The following ST6GAL1 variants were observed in gnomAD, a reference collection of about 807,000 sequenced individuals.
ST6GAL1 encodes ST6 beta-galactoside alpha-2,6-sialyltransferase 1.
ST6GAL1 carries 20 observed loss-of-function variants against 38.0 expected under a neutral mutation model. The observed-to-expected ratio is 0.53, with a 90% CI of 0.37 to 0.77. ST6GAL1 has a LOEUF of 0.77. Ranked by LOEUF, ST6GAL1 falls within the 30% of genes least tolerant of loss-of-function variation. The pLI, the probability that ST6GAL1 is intolerant of heterozygous loss-of-function variation, is 0.00. For synonymous variants in ST6GAL1, 196 were observed against 188.2 expected, an observed-to-expected ratio of 1.04 and a Z score of -0.34; for missense variants, 432 against 496.4, an observed-to-expected ratio of 0.87 and a Z score of 1.23.
At chr3:187,021,371 G>A (rs2108564809) in intron 2 of ST6GAL1, among the ~76,000 whole-genome samples, 1 of 152,330 alleles carries the variant, frequency 6.6e-6, no homozygotes. Context: ...CTAAGAAACA[G>A]TCTCTCTCCT....
chr3:186,965,432 C>T (rs1025662465), intron 2 of ST6GAL1, among the ~76,000 whole-genome samples: 4 of 152,194 alleles, frequency 2.6e-5, no homozygotes, highest in African/African-American at 9.7e-5. Flanking sequence ...CTGTCCCCCT[C>T]CCTCTGCTTC....
intron 5 of ST6GAL1, among the ~76,000 whole-genome samples, chr3:187,063,570 T>G (rs565412835): frequency 6.6e-6 from 1 of 152,188 alleles, no homozygotes; most frequent in South Asian, 2.1e-4. Flanking sequence ...GATCTGGAGG[T>G]GAGCAGGCAG....
chr3:186,946,374 TA>T (rs1178995454), intron 1 of ST6GAL1, among the ~76,000 whole-genome samples: 1 of 150,592 alleles, frequency 6.6e-6, no homozygotes, highest in Non-Finnish European at 1.5e-5. Context: ...ATTTTACTTT[TA>T]AAAAACTTAT....
At chr3:186,973,948 A>AAG (rs1202641772) in intron 2 of ST6GAL1, among the ~76,000 whole-genome samples, 2 of 152,192 alleles carry the variant, frequency 1.3e-5, no homozygotes, top group African/African-American at 2.4e-5. Context: ...ATGTGAGCTA[A>AAG]AGAGAGAGAG....
At chr3:186,995,247 G>A (rs1003188180) in intron 2 of ST6GAL1, among the ~76,000 whole-genome samples, 6 of 151,860 alleles carry the variant, frequency 4.0e-5, no homozygotes, top group South Asian at 2.1e-4. Flanking sequence ...GGTGGCTCAC[G>A]CCTGTAATCC....
chr3:186,988,599 G>C (rs1324699786), intron 2 of ST6GAL1, among the ~76,000 whole-genome samples: 3 of 149,160 alleles, frequency 2.0e-5, no homozygotes, highest in African/African-American at 7.4e-5. Context: ...TGGTGGTGGG[G>C]TTAAGGATTA....
At chr3:187,061,049 A>T (rs1270079881) in intron 5 of ST6GAL1, among the ~76,000 whole-genome samples, 3 of 152,248 alleles carry the variant, frequency 2.0e-5, no homozygotes, top group Admixed American at 2.0e-4. Flanking sequence ...CCCAAAAAAT[A>T]TTCATTTTTT....
At chr3:186,945,922 C>T (rs1442217963) in intron 1 of ST6GAL1, among the ~76,000 whole-genome samples, 7 of 135,422 alleles carry the variant, frequency 5.2e-5, no homozygotes, top group Admixed American at 1.7e-4. Flanking sequence ...ACCTGGGAGG[C>T]GGAGCTTGCA....
rs1452328886 is a variant in ST6GAL1 at position 187,078,012 on chromosome 3, G to A, written c.*2209G>A. ...AGGACAAGCCCCTTACCCCTCTCTG[G>A]GCCCATGAATTCCTGGCTTGGTTTA... On this transcript the variant is annotated 3_prime_UTR_variant, in exon 8 of 8. Transcript: ENST00000169298. 6.6e-6 allele frequency: 1 copy of A among 152,352 alleles called. No individual in the cohort carries two copies. The highest frequency in any genetic ancestry group is 1.5e-5 in the Non-Finnish European group (1 of 68,046). The allele number at this position is 152,352 out of a possible 1,614,324, so 9.4% of individuals were successfully genotyped here.
At position 186,972,036 on chromosome 3, in the gene ST6GAL1, A is replaced by G. The variant is rs528903183; in HGVS notation, c.-183+8110A>G. ...AGTGAATGATGATATTGCACTTCTT[A>G]TGGACCAGGCTCTAAGTGTTTTATG... On this transcript the variant is annotated intron_variant, in intron 2 of 7. Coordinates refer to ENST00000169298, the MANE Select transcript of ST6GAL1 (RefSeq NM_173216.2). 5.9e-5 allele frequency among the ~76,000 whole-genome samples: 9 copies of G among 152,338 alleles called. No homozygotes were observed. The South Asian group carries it at 1.9e-3, about 32-fold the overall frequency.
Position 187,058,935 on chromosome 3 carries a change from C to CT in ST6GAL1, c.705+7590dup, listed in dbSNP as rs1718815389. Among the ~76,000 whole-genome samples, 10 of 152,232 alleles carry CT rather than the reference C, an allele frequency of 6.6e-5. No individual in the cohort carries two copies. In the South Asian group the frequency reaches 2.1e-3, roughly 32 times the overall value. On this transcript the variant is annotated intron_variant, in intron 5 of 7. Coordinates refer to ENST00000169298, the MANE Select transcript of ST6GAL1 (RefSeq NM_173216.2). The stretch of plus-strand genomic sequence containing the variant: ...GTATTACAGGCGTGAGCCATCGTGC[C>CT]TGGCCTACTTTTATTGTTACTAGAA...
chr3:187,023,773 T>A (rs1289746849), intron 2 of ST6GAL1, among the ~76,000 whole-genome samples: 5 of 151,678 alleles, frequency 3.3e-5, no homozygotes, highest in Non-Finnish European at 7.4e-5. Flanking sequence ...TTAGGAGATA[T>A]ACCTAATGCT....
intron 5 of ST6GAL1, among the ~76,000 whole-genome samples, chr3:187,057,474 G>T (rs1718747521): frequency 6.6e-6 from 1 of 151,970 alleles, no homozygotes; most frequent in South Asian, 2.1e-4. Context: ...GATGGTTTTG[G>T]TGTGGATGTC....
At chr3:187,044,700 C>T (rs995586676) in intron 4 of ST6GAL1, among the ~76,000 whole-genome samples, 8 of 152,116 alleles carry the variant, frequency 5.3e-5, no homozygotes, top group African/African-American at 1.9e-4. Context: ...TATTGCGTGC[C>T]TGGCTGAAAT....
Position 187,042,980 on chromosome 3 carries a change from T to G in ST6GAL1, c.277T>G (p.Phe93Val), listed in dbSNP as rs1444990041. Residue 93 changes from phenylalanine (F) to valine (V), a missense_variant, in exon 4 of 8, where the codon TTC (phenylalanine) becomes GTC (valine). Phe to Val is a conservative substitution (Grantham distance 50, BLOSUM62 -1). Transcript: ENST00000169298. ...GLAKAKPEAS[F>V]QVWNKDSSSK... ...AGCCAAGGCCAAACCAGAGGCCTCCTTCCAGGTGTGGAACAAGGACAGCTC... is the reference window on the plus strand; with the variant it reads ...AGCCAAGGCCAAACCAGAGGCCTCCGTCCAGGTGTGGAACAAGGACAGCTC... The G allele has an allele frequency of 2.5e-6, 4 of 1,614,146 alleles. No homozygotes were observed. Among genetic ancestry groups the G allele is most frequent in the Non-Finnish European group, 3.4e-6 (4 of 1,180,020 alleles).
chr3:186,990,137 G>A lies in ST6GAL1; in HGVS notation c.-183+26211G>A, dbSNP rs541104496. ...CAACCTGTGCTTCCCAGGTTCAAGC[G>A]ATTCTCCTGCCTTGGCCTCCCCAGT... On this transcript the variant is annotated intron_variant, in intron 2 of 7. Transcript: ENST00000169298. Among the ~76,000 whole-genome samples, 164 of 152,348 alleles carry A rather than the reference G, an allele frequency of 1.1e-3. 3 individuals are homozygous for A. The South Asian group carries it at 0.03, about 28-fold the overall frequency.
chr3:187,033,527 T>C (rs1223992051), intron 2 of ST6GAL1, among the ~76,000 whole-genome samples: 2 of 152,256 alleles, frequency 1.3e-5, no homozygotes, highest in Admixed American at 6.5e-5. Context: ...CAGTTGGATA[T>C]ACATATCTTT....
chr3:187,047,853 A>G (rs1282825306), intron 4 of ST6GAL1, among the ~76,000 whole-genome samples: 1 of 152,242 alleles, frequency 6.6e-6, no homozygotes, highest in Admixed American at 6.5e-5. Context: ...ATTTTGGTAC[A>G]TGCATACAAT....
intron 2 of ST6GAL1, among the ~76,000 whole-genome samples, chr3:187,031,618 A>G (rs992288312): frequency 2.0e-5 from 3 of 152,068 alleles, no homozygotes; most frequent in Non-Finnish European, 2.9e-5. Context: ...TATTTTTAGT[A>G]GAGACGGGTT....
Sources: gnomAD v4.1 joint callset for allele counts (sites outside exome capture counted in the v4.1 genomes callset) on GRCh38, gnomAD v4.1.1 for gene constraint, MANE v1.5 for transcripts, NCBI Gene and HGNC (gene_info 2026-07-23, HGNC 2026-07-21) for gene names.